The following ACTN4 variants were observed in gnomAD, a reference collection of about 807,000 sequenced individuals.
ACTN4 encodes alpha-actinin-4.
In ACTN4, 18 loss-of-function variants were observed where a neutral mutation model predicts 114.2. That is an observed-to-expected ratio of 0.16 (90% CI 0.11 to 0.23). ACTN4 has a LOEUF of 0.23. Among genes scored for constraint, ACTN4 ranks in the 10% least tolerant of loss-of-function variants. The pLI is 1.00. For missense variants in ACTN4, 722 were observed against 1,262.9 expected (o/e 0.57, Z 6.49); for synonymous variants, 515 against 506.3 (o/e 1.02, Z -0.23).
rs560206207 is a variant in ACTN4 at position 38,648,737 on chromosome 19, T to A, written c.162+830T>A. Among the ~76,000 whole-genome samples the A allele has an allele frequency of 6.6e-5, 10 of 151,138 alleles. No homozygotes were observed. The South Asian group carries it at 2.1e-3, about 32-fold the overall frequency. On this transcript the variant is annotated intron_variant, in intron 1 of 20. Coordinates refer to ENST00000252699, the MANE Select transcript of ACTN4 (RefSeq NM_004924.6). ...GAGATAGGAGGAATAATAAGAGGAA[T>A]TGATGAGGGATGGAGAAGCCGAAGT...
rs950927833 is a variant in ACTN4 at position 38,731,325 on chromosome 19, G to A, written c.*1893G>A. ...AGGGAGGACATGAATGCCACAGGGTGTCACACCCCAACTCTGCCCCATCCC... is the reference window on the plus strand; with the variant it reads ...AGGGAGGACATGAATGCCACAGGGTATCACACCCCAACTCTGCCCCATCCC... On this transcript the variant is annotated 3_prime_UTR_variant, in exon 21 of 21. Transcript: ENST00000252699. The A allele has an allele frequency of 9.3e-6, 8 of 858,256 alleles. No homozygotes were observed. Among genetic ancestry groups the A allele is most frequent in the Admixed American group, 5.5e-5 (3 of 55,016 alleles). 53.2% of individuals were successfully genotyped at this position (858,256 alleles called of 1,614,324 possible). A position where few individuals can be genotyped will look rare whatever the true frequency, so the allele number is the denominator to read the frequency against.
chr19:38,696,089 C>T (rs1308926994), intron 1 of ACTN4, among the ~76,000 whole-genome samples: 1 of 152,162 alleles, frequency 6.6e-6, no homozygotes, highest in Non-Finnish European at 1.5e-5. Flanking sequence ...GACCAAGTGC[C>T]TCGAGCAGTG....
At chr19:38,651,504 GATCTCTTGAAGGTTATGCCAA>G (rs1414271677) in intron 1 of ACTN4, among the ~76,000 whole-genome samples, 2 of 152,102 alleles carry the variant, frequency 1.3e-5, no homozygotes, top group Non-Finnish European at 2.9e-5. Context: ...GGAAGGGTGA[GATCTCTTGAAGGTTATGCCAA>G]ATCTCATTAC....
chr19:38,700,927 C>T (rs1432779510), intron 2 of ACTN4, 75 bp from the exon 3 acceptor site: 5 of 1,580,958 alleles, frequency 3.2e-6, no homozygotes, highest in Non-Finnish European at 2.6e-6. Context: ...GACTCTAAAG[C>T]CTCTCTCCCT....
chr19:38,675,159 C>A (rs1967334019), intron 1 of ACTN4, among the ~76,000 whole-genome samples: 1 of 152,184 alleles, frequency 6.6e-6, no homozygotes, highest in African/African-American at 2.4e-5. Context: ...AGGCACATTC[C>A]TTTGTAGACA....
chr19:38,725,643 G>A (rs1969207476), intron 16 of ACTN4, 81 bp from the exon 17 acceptor site: 2 of 1,516,382 alleles, frequency 1.3e-6, no homozygotes, highest in African/African-American at 2.8e-5. Context: ...ATGCAGGCCA[G>A]CAGCGCGAGT....
chr19:38,725,970 G>A (rs971330922), intron 17 of ACTN4, 67 bp downstream of exon 17: 77 of 1,579,016 alleles, frequency 4.9e-5, no homozygotes, highest in South Asian at 8.9e-5. Flanking sequence ...GAAATGGTTC[G>A]GGCCAGTGAG....
In ACTN4 at chr19:38,710,262, G is replaced by A. The variant is rs745905696; in HGVS notation, c.739G>A (p.Val247Met). Residue 247 changes from valine to methionine, a missense_variant, in exon 8 of 21, where the codon GTG becomes ATG. This residue lies in a region of ACTN4 where 127 missense variants were observed against 311.3 expected (regional missense o/e 0.41). Transcript: ENST00000252699. Reference sequence around the variant, plus strand: ...CCCTTGTTGTTCACTTGCAGACATCGTGAACACGGCCCGGCCCGACGAGAA... The same window carrying A: ...CCCTTGTTGTTCACTTGCAGACATCATGAACACGGCCCGGCCCGACGAGAA... Reference protein sequence around the residue: ...IPKMLDAEDIVNTARPDEKAI... With the variant: ...IPKMLDAEDIMNTARPDEKAI... 7.4e-6 allele frequency: 12 copies of A among 1,614,076 alleles called. No homozygotes were observed. Among genetic ancestry groups the A allele is most frequent in the South Asian group, 5.5e-5 (5 of 91,086 alleles).
intron 11 of ACTN4, chr19:38,718,331 A>G: frequency 1.5e-6 from 1 of 657,534 alleles, no homozygotes; most frequent in East Asian, 3.1e-5. Context: ...GTTTGAGACC[A>G]GCCTGGGCAA....
intron 1 of ACTN4, among the ~76,000 whole-genome samples, chr19:38,658,180 TGAG>T (rs1304645821): frequency 7.2e-5 from 11 of 152,174 alleles, no homozygotes; most frequent in African/African-American, 2.7e-4. Context: ...ATTGTGTTGA[TGAG>T]GAGTGTGCAT....
At chr19:38,673,171 G>A (rs1967186284) in intron 1 of ACTN4, among the ~76,000 whole-genome samples, 1 of 150,868 alleles carries the variant, frequency 6.6e-6, no homozygotes, top group East Asian at 2.0e-4. Flanking sequence ...TCAAGCCCCT[G>A]ACCTCAGGTG....
Position 38,706,087 on chromosome 19 carries a change from G to A in ACTN4, c.528G>A (p.Lys176=), listed in dbSNP as rs2145014088. 6.2e-7 allele frequency: 1 copy of A among 1,614,210 alleles called. No individual in the cohort carries two copies. The highest frequency in any genetic ancestry group is 8.5e-7 in the Non-Finnish European group (1 of 1,180,014). Reference sequence around the variant, plus strand: ...GGCTCCTTCTCTGGTGCCAGAGAAAGACAGCCCCGTATAAGAACGTCAATG... The same window carrying A: ...GGCTCCTTCTCTGGTGCCAGAGAAAAACAGCCCCGTATAAGAACGTCAATG... ...KEGLLLWCQR[K]TAPYKNVNVQ... The change falls in exon 5 of 21, where the codon AAG becomes AAA. Residue 176 remains lysine, a synonymous_variant. Transcript: ENST00000252699.
At chr19:38,707,310 A>G (rs1484489629) in intron 5 of ACTN4, among the ~76,000 whole-genome samples, 3 of 151,782 alleles carry the variant, frequency 2.0e-5, no homozygotes, top group Non-Finnish European at 4.4e-5. Flanking sequence ...CACCCAAACA[A>G]AGTTCCCATT....
chr19:38,687,213 C>G (rs1411398636), intron 1 of ACTN4, among the ~76,000 whole-genome samples: 1 of 150,840 alleles, frequency 6.6e-6, no homozygotes, highest in African/African-American at 2.5e-5. Flanking sequence ...CTCAAATGAT[C>G]CACCTGCCTC....
chr19:38,721,403 C>G, intron 11 of ACTN4, 135 bp from the exon 12 acceptor site: 1 of 1,096,454 alleles, frequency 9.1e-7, no homozygotes, highest in Middle Eastern at 2.5e-4. Context: ...CTGGAAGTTT[C>G]CATGCCACTG....
At chr19:38,690,137 CG>C (rs760573565) in intron 1 of ACTN4, among the ~76,000 whole-genome samples, 5 of 152,230 alleles carry the variant, frequency 3.3e-5, no homozygotes, top group Non-Finnish European at 7.3e-5. Flanking sequence ...GCATTTGAGG[CG>C]GGAGTGGGCC....
chr19:38,653,890 A>G (rs1976638311), intron 1 of ACTN4, among the ~76,000 whole-genome samples: 1 of 152,236 alleles, frequency 6.6e-6, no homozygotes, highest in Non-Finnish European at 1.5e-5. Flanking sequence ...TTGAGCAGAT[A>G]CAAATACTGT....
rs780958051 is a variant in ACTN4 at position 38,724,255 on chromosome 19, C to T, written c.1791C>T (p.Ile597=). The change falls in exon 15 of 21, where the codon ATC becomes ATT. Residue 597 remains isoleucine, a synonymous_variant. Transcript: ENST00000252699. The surrounding 1 kb of genome is among the most constrained non-coding windows in gnomAD (Gnocchi z 7.0). ...ILAIHKEAQR[I]AESNHIKLSG... Reference sequence around the variant, plus strand: ...CCATCCACAAGGAGGCCCAGAGGATCGCTGAGAGCAACCACATCAAGCTGT... The same window carrying T: ...CCATCCACAAGGAGGCCCAGAGGATTGCTGAGAGCAACCACATCAAGCTGT... 5.0e-6 allele frequency: 8 copies of T among 1,613,848 alleles called. No homozygotes were observed. Among genetic ancestry groups the T allele is most frequent in the East Asian group, 4.5e-5 (2 of 44,892 alleles).
At chr19:38,659,276 G>A (rs929705680) in intron 1 of ACTN4, among the ~76,000 whole-genome samples, 2 of 151,884 alleles carry the variant, frequency 1.3e-5, no homozygotes, top group African/African-American at 4.8e-5. Context: ...GGCCAGGCTG[G>A]TCTTGAACCC....
Sources: gnomAD v4.1 joint callset for allele counts (sites outside exome capture counted in the v4.1 genomes callset) on GRCh38, gnomAD v4.1.1 for gene constraint, gnomAD v4.1.1 regional missense constraint, Gnocchi (gnomAD v3.1) non-coding constraint, MANE v1.5 for transcripts, NCBI Gene and HGNC (gene_info 2026-07-23, HGNC 2026-07-21) for gene names.